The following GABRB2 variants were observed in gnomAD, a reference collection of about 807,000 sequenced individuals.
GABRB2 encodes gamma-aminobutyric acid type A receptor subunit beta2.
GABRB2 carries 16 observed loss-of-function variants against 54.7 expected under a neutral mutation model. The ratio of observed to expected loss-of-function variants is 0.29; its 90% confidence interval spans 0.20 to 0.44. The LOEUF is 0.44. GABRB2 is among the 20% of genes least tolerant of loss of function. The pLI is 1.00. For missense variants in GABRB2, 355 were observed against 644.0 expected, an observed-to-expected ratio of 0.55 and a Z score of 4.86; for synonymous variants, 244 against 233.8, an observed-to-expected ratio of 1.04 and a Z score of -0.40.
chr5:161,332,096 G>A (rs1199574792), intron 7 of GABRB2, among the ~76,000 whole-genome samples: 1 of 150,328 alleles, frequency 6.7e-6, no homozygotes, highest in Non-Finnish European at 1.5e-5. Flanking sequence ...AACCCGGGAG[G>A]CGGAGCTTGC....
intron 7 of GABRB2, among the ~76,000 whole-genome samples, chr5:161,334,483 T>A (rs1342352808): frequency 6.6e-6 from 1 of 152,216 alleles, no homozygotes; most frequent in African/African-American, 2.4e-5. Context: ...ATATGAAATA[T>A]GTTTCAATAA....
intron 3 of GABRB2, among the ~76,000 whole-genome samples, chr5:161,510,389 A>G (rs1426136270): frequency 1.3e-5 from 2 of 151,950 alleles, no homozygotes; most frequent in Admixed American, 6.6e-5. Context: ...TTTACTTAAC[A>G]TAATAATCTC....
chr5:161,472,335 C>G (rs1427875859), intron 3 of GABRB2, among the ~76,000 whole-genome samples: 1 of 151,594 alleles, frequency 6.6e-6, no homozygotes, highest in Non-Finnish European at 1.5e-5. Context: ...CTGGAACACC[C>G]ATCTTACTGC....
chr5:161,536,787 G>T (rs1025120753), intron 3 of GABRB2, among the ~76,000 whole-genome samples: 11 of 151,934 alleles, frequency 7.2e-5, no homozygotes, highest in Non-Finnish European at 1.5e-5. Context: ...TATTAGAGAC[G>T]GGGTTTTGTA....
At chr5:161,419,263 C>T (rs1195407471) in intron 4 of GABRB2, among the ~76,000 whole-genome samples, 1 of 152,050 alleles carries the variant, frequency 6.6e-6, no homozygotes. Context: ...AATAAGATAC[C>T]ATCTCATCCC....
chr5:161,433,636 A>G (rs1417641487), intron 4 of GABRB2, among the ~76,000 whole-genome samples: 3 of 151,912 alleles, frequency 2.0e-5, no homozygotes, highest in Non-Finnish European at 1.5e-5. Context: ...AAATAAAAGA[A>G]AAAGAAATAT....
chr5:161,353,838 A>T (rs1191624169), intron 5 of GABRB2, among the ~76,000 whole-genome samples: 1 of 152,006 alleles, frequency 6.6e-6, no homozygotes, highest in Non-Finnish European at 1.5e-5. Context: ...CAAAACAAAA[A>T]ACCTAAAGTA....
intron 5 of GABRB2, among the ~76,000 whole-genome samples, chr5:161,408,334 A>G (rs774930694): frequency 6.6e-6 from 1 of 152,104 alleles, no homozygotes; most frequent in Non-Finnish European, 1.5e-5. Context: ...TCTGGTCTAA[A>G]GCATGTCAGA....
intron 5 of GABRB2, among the ~76,000 whole-genome samples, chr5:161,410,264 C>T (rs777775428): frequency 1.3e-5 from 2 of 151,990 alleles, no homozygotes; most frequent in Admixed American, 1.3e-4. Context: ...AATGGAGATG[C>T]GTTATAAAAT....
intron 3 of GABRB2, among the ~76,000 whole-genome samples, chr5:161,488,502 G>A (rs985188563): frequency 6.6e-6 from 1 of 151,696 alleles, no homozygotes. Flanking sequence ...CAGCTAGAAA[G>A]ATACTTATGA....
chr5:161,301,247 G>A (rs1013322868), intron 9 of GABRB2, among the ~76,000 whole-genome samples: 1 of 152,002 alleles, frequency 6.6e-6, no homozygotes, highest in Admixed American at 6.6e-5. Context: ...GCTATATTTA[G>A]GGGACTCAAT....
rs540952488 is a variant in GABRB2, at chr5:161,383,053, T to C, written c.541+27922A>G. 1.3e-4 allele frequency among the ~76,000 whole-genome samples: 20 copies of C among 152,354 alleles called. No individual in the cohort carries two copies. In the East Asian group the frequency reaches 3.7e-3, roughly 28 times the overall value. ...TACTCAATGTTTTGTTTTCCCTTTT[T>C]TCTTAATTTTAAAATACGTAATTGA... is the stretch of plus-strand genomic sequence containing the variant. On this transcript the variant is annotated intron_variant, in intron 5 of 9. Coordinates refer to ENST00000393959, the MANE Select transcript of GABRB2 (RefSeq NM_001371727.1).
chr5:161,345,250 T>C (rs887608231), intron 5 of GABRB2, among the ~76,000 whole-genome samples: 1 of 152,036 alleles, frequency 6.6e-6, no homozygotes, highest in Non-Finnish European at 1.5e-5. Context: ...TTGTATCTTA[T>C]AGCGCAATAA....
intron 5 of GABRB2, among the ~76,000 whole-genome samples, chr5:161,384,223 C>T (rs909234445): frequency 1.3e-5 from 2 of 152,172 alleles, no homozygotes; most frequent in Non-Finnish European, 2.9e-5. Flanking sequence ...AGATGAGACA[C>T]TTTAATTGCA....
intron 9 of GABRB2, among the ~76,000 whole-genome samples, chr5:161,297,803 T>C (rs1757425668): frequency 6.6e-6 from 1 of 152,222 alleles, no homozygotes; most frequent in Non-Finnish European, 1.5e-5. Context: ...TACTCGGTAA[T>C]GGGATTGCTG....
chr5:161,532,276 G>A (rs1309412224), intron 3 of GABRB2, among the ~76,000 whole-genome samples: 3 of 152,056 alleles, frequency 2.0e-5, no homozygotes, highest in East Asian at 1.9e-4. Flanking sequence ...ATGTATGCGT[G>A]TGTCTGTATT....
chr5:161,401,912 C>A (rs966244255), intron 5 of GABRB2, among the ~76,000 whole-genome samples: 1 of 152,114 alleles, frequency 6.6e-6, no homozygotes, highest in Non-Finnish European at 1.5e-5. Flanking sequence ...ATTTGTCTCT[C>A]CTGTCCAGTA....
intron 3 of GABRB2, among the ~76,000 whole-genome samples, chr5:161,532,652 C>T (rs1258972824): frequency 6.6e-6 from 1 of 152,184 alleles, no homozygotes; most frequent in African/African-American, 2.4e-5. Flanking sequence ...TCCCTCAACT[C>T]TTCACTTCCC....
At chr5:161,333,415 G>A (rs1323312481) in intron 7 of GABRB2, among the ~76,000 whole-genome samples, 1 of 152,168 alleles carries the variant, frequency 6.6e-6, no homozygotes, top group Admixed American at 6.5e-5. Flanking sequence ...GGTACTGCAA[G>A]TGTATATATC....
Sources: gnomAD v4.1 joint callset for allele counts (sites outside exome capture counted in the v4.1 genomes callset) on GRCh38, gnomAD v4.1.1 for gene constraint, MANE v1.5 for transcripts, NCBI Gene and HGNC (gene_info 2026-07-23, HGNC 2026-07-21) for gene names.